MCC: variants seen among roughly 807,000 people sequenced by gnomAD.
MCC encodes the protein MCC regulator of Wnt signaling pathway.
In MCC, 90 loss-of-function variants were observed where a neutral mutation model predicts 116.2. The ratio of observed to expected loss-of-function variants is 0.77; its 90% CI spans 0.65 to 0.92. The LOEUF (loss-of-function observed/expected upper bound fraction) is 0.92, where lower values mean the gene tolerates loss of function less well. MCC is among the 40% of genes least tolerant of loss of function. The probability of loss-of-function intolerance (pLI) is 0.00; values close to 1 mark genes in which losing one functional copy is unlikely to be tolerated. For missense variants in MCC, 1,516 were observed against 1,312.2 expected (o/e 1.16, Z -2.40); for synonymous variants, 578 against 510.5 (o/e 1.13, Z -1.78).
chr5:113,244,682 G>T (rs917900783), intron 3 of MCC, among the ~76,000 whole-genome samples: 2 of 152,168 alleles, frequency 1.3e-5, no homozygotes, highest in African/African-American at 4.8e-5. Context: ...TAGAAAAATG[G>T]TTTCACTAAG....
intron 11 of MCC, among the ~76,000 whole-genome samples, chr5:113,073,421 T>A (rs1754183618): frequency 6.6e-6 from 1 of 152,218 alleles, no homozygotes; most frequent in African/African-American, 2.4e-5. Flanking sequence ...GTCAATCAGA[T>A]CTTGTTTTTC....
At chr5:113,218,640 A>G (rs1273767926) in intron 3 of MCC, among the ~76,000 whole-genome samples, 1 of 152,202 alleles carries the variant, frequency 6.6e-6, no homozygotes, top group East Asian at 1.9e-4. Context: ...AAGAAAAGCA[A>G]ATAAGTCTCA....
At position 113,026,322 on chromosome 5, in the gene MCC, T is replaced by C. The variant is rs922310914; in HGVS notation, c.*980A>G. 2 of 152,230 alleles carry C rather than the reference T, an allele frequency of 1.3e-5. No homozygotes were observed. The highest frequency in any genetic ancestry group is 2.4e-5 in the African/African-American group (1 of 41,452). The allele number at this position is 152,230 out of a possible 1,614,324, so 9.4% of individuals were successfully genotyped here. A position where few individuals can be genotyped will look rare whatever the true frequency, so the allele number is the denominator to read the frequency against. On this transcript the variant is annotated 3_prime_UTR_variant, in exon 19 of 19. Coordinates refer to ENST00000408903, the MANE Select transcript of MCC (RefSeq NM_001085377.2). Reference sequence around the variant, plus strand: ...GATAAGTTTTGCAAAATGTTCAGTATCTCCTCAGTGTCTTGTCCTTAGGTA... The same window carrying C: ...GATAAGTTTTGCAAAATGTTCAGTACCTCCTCAGTGTCTTGTCCTTAGGTA...
chr5:113,420,570 A>T (rs1343302306), intron 1 of MCC, among the ~76,000 whole-genome samples: 1 of 152,246 alleles, frequency 6.6e-6, no homozygotes, highest in Non-Finnish European at 1.5e-5. Context: ...CCAAAACTGA[A>T]GTTTGGAACC....
intron 3 of MCC, among the ~76,000 whole-genome samples, chr5:113,231,697 T>G (rs1288816496): frequency 6.6e-6 from 1 of 152,212 alleles, no homozygotes; most frequent in Non-Finnish European, 1.5e-5. Flanking sequence ...AAGTCATGTC[T>G]CTAAGATAGT....
At chr5:113,292,200 C>A (rs1325528058) in intron 3 of MCC, among the ~76,000 whole-genome samples, 1 of 151,856 alleles carries the variant, frequency 6.6e-6, no homozygotes, top group Non-Finnish European at 1.5e-5. Flanking sequence ...CCACTGCACT[C>A]CAGCATGGGT....
At chr5:113,389,084 A>G (rs1326169639) in intron 1 of MCC, among the ~76,000 whole-genome samples, 2 of 152,232 alleles carry the variant, frequency 1.3e-5, no homozygotes, top group African/African-American at 2.4e-5. Context: ...TTACACATGA[A>G]TGAGAATATA....
chr5:113,217,464 G>A (rs1356182604), intron 3 of MCC, among the ~76,000 whole-genome samples: 1 of 152,176 alleles, frequency 6.6e-6, no homozygotes. Flanking sequence ...CTAAGCTAAT[G>A]TACATACAAA....
rs541816296 is a variant in MCC at position 113,246,932 on chromosome 5, G to A, written c.627+93587C>T. On this transcript the variant is annotated intron_variant, in intron 3 of 18. Coordinates refer to ENST00000408903, the MANE Select transcript of MCC (RefSeq NM_001085377.2). ...CAGCCCCCTTTATATTTAAGCAGGAGGCAAAAACTGAAGCTAGGAGAGATC... is the reference window on the plus strand; with the variant it reads ...CAGCCCCCTTTATATTTAAGCAGGAAGCAAAAACTGAAGCTAGGAGAGATC... 4.6e-3 allele frequency among the ~76,000 whole-genome samples: 702 copies of A among 152,296 alleles called. 5 individuals are homozygous for A. Among genetic ancestry groups the A allele is most frequent in the Non-Finnish European group, 7.2e-3 (493 of 68,014 alleles).
intron 12 of MCC, among the ~76,000 whole-genome samples, chr5:113,069,618 G>C (rs1191729660): frequency 6.6e-6 from 1 of 152,220 alleles, no homozygotes. Flanking sequence ...GCCCAGGCTG[G>C]AGTGCAGTGG....
At chr5:113,307,861 T>C (rs1448520292) in intron 3 of MCC, among the ~76,000 whole-genome samples, 1 of 152,212 alleles carries the variant, frequency 6.6e-6, no homozygotes, top group South Asian at 2.1e-4. Context: ...TCCATTTAAA[T>C]GCAAGTCAAG....
chr5:113,410,790 T>G (rs1769968836), intron 1 of MCC, among the ~76,000 whole-genome samples: 1 of 152,206 alleles, frequency 6.6e-6, no homozygotes, highest in African/African-American at 2.4e-5. Context: ...TGGTGTGCGA[T>G]GTTCCCTGCC....
intron 1 of MCC, among the ~76,000 whole-genome samples, chr5:113,410,559 G>C (rs1156303358): frequency 1.3e-5 from 2 of 152,158 alleles, no homozygotes; most frequent in Non-Finnish European, 2.9e-5. Flanking sequence ...ATCTGACACT[G>C]CGGGATAGTA....
At chr5:113,117,283 T>C (rs529042446) in intron 6 of MCC, among the ~76,000 whole-genome samples, 2 of 152,336 alleles carry the variant, frequency 1.3e-5, no homozygotes, top group South Asian at 2.1e-4. Flanking sequence ...AATCTGGCTT[T>C]AGCATCAAAC....
intron 3 of MCC, among the ~76,000 whole-genome samples, chr5:113,209,414 C>T (rs558909560): frequency 2.0e-5 from 3 of 152,290 alleles, no homozygotes; most frequent in East Asian, 3.9e-4. Context: ...GTGCCGATGG[C>T]AATTCCACTG....
intron 3 of MCC, among the ~76,000 whole-genome samples, chr5:113,328,342 T>C (rs1258569235): frequency 6.6e-6 from 1 of 152,224 alleles, no homozygotes; most frequent in Non-Finnish European, 1.5e-5. Flanking sequence ...TGCTTCTGTC[T>C]CTAGGGAAAG....
chr5:113,176,623 T>C (rs890472506), intron 3 of MCC, among the ~76,000 whole-genome samples: 2 of 152,160 alleles, frequency 1.3e-5, no homozygotes, highest in African/African-American at 4.8e-5. Flanking sequence ...ACTTCCCTTC[T>C]TTCCCTGCAA....
At chr5:113,137,990 G>GC (rs1758940900) in intron 5 of MCC, among the ~76,000 whole-genome samples, 1 of 151,784 alleles carries the variant, frequency 6.6e-6, no homozygotes, top group African/African-American at 2.4e-5. Flanking sequence ...GAGTCTTCTA[G>GC]GGTAGTCACA....
intron 3 of MCC, among the ~76,000 whole-genome samples, chr5:113,206,793 GTAATT>G (rs1382180437): frequency 6.6e-6 from 1 of 152,204 alleles, no homozygotes; most frequent in African/African-American, 2.4e-5. Context: ...AGTAAATTAG[GTAATT>G]TATTTTGTGA....
Sources: gnomAD v4.1 joint callset for allele counts (sites outside exome capture counted in the v4.1 genomes callset) on GRCh38, gnomAD v4.1.1 for gene constraint, MANE v1.5 for transcripts, NCBI Gene and HGNC (gene_info 2026-07-23, HGNC 2026-07-21) for gene names.